Variants in ALK observed in about 807,000 individuals in gnomAD.
The protein encoded by ALK is ALK tyrosine kinase receptor.
A neutral mutation model predicts 163.1 loss-of-function variants in ALK; 74 were observed. The ratio of observed to expected loss-of-function variants is 0.45; its 90% confidence interval spans 0.38 to 0.55. ALK has a LOEUF of 0.55. Ranked by LOEUF, ALK falls within the 20% of genes least tolerant of loss-of-function variation. The pLI, the probability that ALK is intolerant of heterozygous loss-of-function variation, is 0.00. For missense variants in ALK, 2,063 were observed against 2,105.3 expected (o/e 0.98, Z 0.39); for synonymous variants, 960 against 843.2 (o/e 1.14, Z -2.40).
At chr2:29,888,205 G>A (rs1667033646) in intron 1 of ALK, among the ~76,000 whole-genome samples, 1 of 151,038 alleles carries the variant, frequency 6.6e-6, no homozygotes, top group Non-Finnish European at 1.5e-5. Flanking sequence ...TAGCTGTGGA[G>A]GATTGGGCCT....
intron 4 of ALK, among the ~76,000 whole-genome samples, chr2:29,468,040 T>C (rs1282814962): frequency 6.6e-6 from 1 of 152,114 alleles, no homozygotes; most frequent in East Asian, 1.9e-4. Flanking sequence ...AATAATTTTT[T>C]TTTTTTTTGA....
intron 1 of ALK, among the ~76,000 whole-genome samples, chr2:29,826,448 TAA>T (rs397959887): frequency 7.0e-4 from 98 of 139,786 alleles, no homozygotes; most frequent in Admixed American, 7.2e-4. Context: ...CCAGTTGATT[TAA>T]AAAAAAAAAA....
intron 12 of ALK, among the ~76,000 whole-genome samples, chr2:29,242,550 AGCC>A (rs753383529): frequency 6.6e-6 from 1 of 152,148 alleles, no homozygotes; most frequent in Non-Finnish European, 1.5e-5. Flanking sequence ...TCTGAGAGCC[AGCC>A]CCATCTATGT....
In ALK at chr2:29,576,842, G is replaced by T. The variant is rs1330778898; in HGVS notation, c.953-44726C>A. Among the ~76,000 whole-genome samples, 4 of 151,780 alleles carry T rather than the reference G, an allele frequency of 2.6e-5. No homozygotes were observed. The East Asian group carries it at 7.7e-4, about 29-fold the overall frequency. On this transcript the variant is annotated intron_variant, in intron 3 of 28. Coordinates refer to ENST00000389048, the MANE Select transcript of ALK (RefSeq NM_004304.5). ...TCCTTATGAGAATCTAATGCCTGAT[G>T]ATCCATCACTGTCTCCCACCACCCC...
chr2:29,814,615 G>A (rs532515196), intron 1 of ALK, among the ~76,000 whole-genome samples: 13 of 151,232 alleles, frequency 8.6e-5, no homozygotes, highest in East Asian at 2.0e-4. Flanking sequence ...AGCCAAGATC[G>A]CACCACTGCA....
chr2:29,471,558 A>G (rs1671346646), intron 4 of ALK, among the ~76,000 whole-genome samples: 1 of 152,234 alleles, frequency 6.6e-6, no homozygotes. Flanking sequence ...TGATAAATAC[A>G]GAAAAAGCAT....
intron 5 of ALK, among the ~76,000 whole-genome samples, chr2:29,329,610 C>T (rs954497285): frequency 6.6e-6 from 1 of 152,220 alleles, no homozygotes; most frequent in African/African-American, 2.4e-5. Flanking sequence ...GGCTAAGTCC[C>T]CCAGCCTCTC....
chr2:29,702,756 T>C (rs1255894565), intron 2 of ALK, among the ~76,000 whole-genome samples: 1 of 151,908 alleles, frequency 6.6e-6, no homozygotes, highest in African/African-American at 2.4e-5. Context: ...CAGGCAAGAG[T>C]GTGTGTGCAG....
Position 29,470,685 on chromosome 2 carries a change from A to ATT in ALK, c.1154+61228_1154+61229dup, listed in dbSNP as rs11325298. ...AAGACATTTCAGACAAAACAGCTGA[A>ATT]TTTTTTTTTTTTTTTGCCAGCAGAC... On this transcript the variant is annotated intron_variant, in intron 4 of 28. Coordinates refer to ENST00000389048, the MANE Select transcript of ALK (RefSeq NM_004304.5). Among the ~76,000 whole-genome samples the ATT allele has an allele frequency of 2.5e-3, 370 of 148,880 alleles. 4 individuals are homozygous for ATT. The highest frequency in any genetic ancestry group is 8.4e-3 in the African/African-American group (339 of 40,524).
chr2:29,727,751 T>G (rs1558461754), intron 1 of ALK, among the ~76,000 whole-genome samples: 1 of 152,262 alleles, frequency 6.6e-6, no homozygotes, highest in Admixed American at 6.5e-5. Context: ...ACAGCCTGAT[T>G]GGCTTCATCC....
intron 2 of ALK, among the ~76,000 whole-genome samples, chr2:29,712,139 T>C (rs898183116): frequency 6.6e-6 from 1 of 152,160 alleles, no homozygotes; most frequent in African/African-American, 2.4e-5. Flanking sequence ...TTCCATGGAT[T>C]GAGTATATTG....
intron 12 of ALK, among the ~76,000 whole-genome samples, chr2:29,249,281 G>A (rs1190207488): frequency 6.6e-6 from 1 of 152,190 alleles, no homozygotes; most frequent in Non-Finnish European, 1.5e-5. Flanking sequence ...AGGACAATGG[G>A]CTCCGCTGGG....
At position 29,374,058 on chromosome 2, in the gene ALK, G is replaced by A. The variant is rs115010168; in HGVS notation, c.1282+9674C>T. The stretch of plus-strand genomic sequence containing the variant: ...CTTTGCATAATGGCTCAGGCAAGGC[G>A]CAGATGGAAAGGCAAAAGGCAGATG... On this transcript the variant is annotated intron_variant, in intron 5 of 28. Transcript: ENST00000389048. Among the ~76,000 whole-genome samples, 1,447 of 152,280 alleles carry A rather than the reference G, an allele frequency of 9.5e-3. 13 individuals are homozygous for A. The highest frequency in any genetic ancestry group is 0.06 in the South Asian group (287 of 4,818).
intron 1 of ALK, among the ~76,000 whole-genome samples, chr2:29,818,525 C>T (rs1273821984): frequency 6.6e-6 from 1 of 152,262 alleles, no homozygotes. Flanking sequence ...AGGTTTTCCA[C>T]GCTGGCCCAG....
chr2:29,311,889 G>C (rs111364705), intron 8 of ALK, among the ~76,000 whole-genome samples: 1 of 152,170 alleles, frequency 6.6e-6, no homozygotes. Flanking sequence ...TCTGCTGATG[G>C]GGCAGTGGAG....
chr2:29,542,784 T>C (rs1425015902), intron 3 of ALK, among the ~76,000 whole-genome samples: 1 of 152,228 alleles, frequency 6.6e-6, no homozygotes, highest in Non-Finnish European at 1.5e-5. Context: ...CATTTTGCAA[T>C]GCATATAGCT....
At chr2:29,808,038 G>A (rs916405764) in intron 1 of ALK, among the ~76,000 whole-genome samples, 4 of 152,056 alleles carry the variant, frequency 2.6e-5, no homozygotes, top group African/African-American at 4.8e-5. Flanking sequence ...ATCTATCAAG[G>A]ATCTAATCTC....
At chr2:29,305,127 A>T (rs1666468333) in intron 8 of ALK, among the ~76,000 whole-genome samples, 1 of 152,192 alleles carries the variant, frequency 6.6e-6, no homozygotes, top group African/African-American at 2.4e-5. Flanking sequence ...GTCCATTTTC[A>T]TCTTGGACTT....
At chr2:29,356,212 T>C (rs148969411) in intron 5 of ALK, among the ~76,000 whole-genome samples, 19 of 152,336 alleles carry the variant, frequency 1.2e-4, no homozygotes, top group African/African-American at 4.6e-4. Context: ...GGACTATATA[T>C]GTGCCAGGTT....
Sources: allele counts gnomAD v4.1 joint callset (sites outside exome capture counted in the v4.1 genomes callset), GRCh38; gene constraint gnomAD v4.1.1; transcripts MANE v1.5; gene names NCBI Gene and HGNC (gene_info 2026-07-23, HGNC 2026-07-21).